The following XNDC1N variants were observed in gnomAD, a reference collection of about 807,000 sequenced individuals.
The protein encoded by XNDC1N is XRCC1 N-terminal domain containing 1, N-terminal like.
chr11:71,866,428 A>G, the XNDC1N span, among the ~76,000 whole-genome samples: 1 of 152,178 alleles, frequency 6.6e-6, no homozygotes, highest in Non-Finnish European at 1.5e-5. Context: ...TATTATATTG[A>G]TACTAATTTA....
At chr11:71,872,023 T>C in the XNDC1N span, among the ~76,000 whole-genome samples, 1 of 152,232 alleles carries the variant, frequency 6.6e-6, no homozygotes, top group Non-Finnish European at 1.5e-5. Context: ...TTCTATCCCA[T>C]ATATTAGTAT....
At chr11:71,910,937 G>C in the XNDC1N span, among the ~76,000 whole-genome samples, 1 of 152,196 alleles carries the variant, frequency 6.6e-6, no homozygotes, top group African/African-American at 2.4e-5. Context: ...AAAAACTTCT[G>C]GCATCCCCAG....
chr11:71,904,223 T>A, the XNDC1N span: 1 of 387,210 alleles, frequency 2.6e-6, no homozygotes, highest in East Asian at 7.2e-5. Context: ...ACCCATTGTG[T>A]CATTACGAGT....
chr11:71,919,929 CTTTTTTTTTTTTTTTTTTTTTTTTTTT>C, the XNDC1N span, among the ~76,000 whole-genome samples: 3 of 26,590 alleles, frequency 1.1e-4, no homozygotes, highest in Non-Finnish European at 1.7e-4. Context: ...AAGCAGGCCT[CTTTTTTTTTTTTTTTTTTTTTTTTTTT>C]TTTTTTTTTT....
chr11:71,923,140 A>G, the XNDC1N span, among the ~76,000 whole-genome samples: 1 of 152,184 alleles, frequency 6.6e-6, no homozygotes, highest in African/African-American at 2.4e-5. Flanking sequence ...CGCATCCTGC[A>G]CTTCTGTGGG....
At chr11:71,902,374 G>C in the XNDC1N span, among the ~76,000 whole-genome samples, 1 of 152,170 alleles carries the variant, frequency 6.6e-6, no homozygotes, top group South Asian at 2.1e-4. Flanking sequence ...TGTATTTTTA[G>C]TAGAGGTGGG....
chr11:71,909,550 G>A, the XNDC1N span, among the ~76,000 whole-genome samples: 12 of 152,194 alleles, frequency 7.9e-5, no homozygotes, highest in Non-Finnish European at 5.9e-5. Context: ...AGGGAGACCC[G>A]GCTCAAGCGT....
At chr11:71,916,700 A>C in the XNDC1N span, 1 of 170,594 alleles carries the variant, frequency 5.9e-6, no homozygotes, top group Non-Finnish European at 1.3e-5. Flanking sequence ...CCAACCCTCC[A>C]CATCTTTAGT....
At chr11:71,926,249 G>A in the XNDC1N span, 2 of 152,164 alleles carry the variant, frequency 1.3e-5, no homozygotes, top group African/African-American at 4.8e-5. Flanking sequence ...CAGCCTGGGA[G>A]ACAGTGAAAC....
chr11:71,886,788 C>G, the XNDC1N span, among the ~76,000 whole-genome samples: 19 of 152,028 alleles, frequency 1.2e-4, no homozygotes, highest in Non-Finnish European at 2.4e-4. Context: ...TGCAGTAAGC[C>G]GTAAGGAAAA....
chr11:71,913,930 C>T, the XNDC1N span, among the ~76,000 whole-genome samples: 4 of 152,306 alleles, frequency 2.6e-5, no homozygotes, highest in East Asian at 5.8e-4. Flanking sequence ...CAGTTTACAG[C>T]ATGGTTTCCT....
the XNDC1N span, among the ~76,000 whole-genome samples, chr11:71,918,669 G>A: frequency 5.1e-3 from 780 of 152,224 alleles, 5 homozygotes; most frequent in African/African-American, 0.017. Context: ...TTTGAGGAGC[G>A]CCATTCACAT....
the XNDC1N span, among the ~76,000 whole-genome samples, chr11:71,908,495 C>T: frequency 3.3e-5 from 5 of 152,032 alleles, no homozygotes; most frequent in African/African-American, 9.7e-5. Context: ...CATTCCACTC[C>T]TCCCTCAACA....
the XNDC1N span, among the ~76,000 whole-genome samples, chr11:71,896,466 GC>G: frequency 2.0e-5 from 3 of 152,164 alleles, no homozygotes; most frequent in Non-Finnish European, 2.9e-5. Flanking sequence ...CACAAGAATT[GC>G]TTGCATATTT....
chr11:71,908,583 C>T, the XNDC1N span, among the ~76,000 whole-genome samples: 4 of 152,094 alleles, frequency 2.6e-5, no homozygotes, highest in South Asian at 2.1e-4. Flanking sequence ...AGGATGGTCA[C>T]GTGCTGGAGA....
chr11:71,866,907 A>G, the XNDC1N span, among the ~76,000 whole-genome samples: 30,923 of 152,150 alleles, frequency 0.2, 5,897 homozygotes, highest in African/African-American at 0.5. Context: ...TAGAGTTTCC[A>G]AATAAATGGC....
chr11:71,916,915 A>G, the XNDC1N span: 1 of 157,232 alleles, frequency 6.4e-6, no homozygotes, highest in African/African-American at 2.4e-5. Flanking sequence ...AGTAAACATT[A>G]TATGCTACAC....
At chr11:71,878,545 A>C in the XNDC1N span, 1 of 1,594,798 alleles carries the variant, frequency 6.3e-7, no homozygotes, top group Non-Finnish European at 8.5e-7. Flanking sequence ...AAAGTTCTAA[A>C]AATATAAGTA....
chr11:71,889,218 G>C, the XNDC1N span, among the ~76,000 whole-genome samples: 1 of 152,208 alleles, frequency 6.6e-6, no homozygotes, highest in Admixed American at 6.5e-5. Context: ...GAGCGTGATA[G>C]AAAGAAAAGG....
Sources: allele counts gnomAD v4.1 joint callset (sites outside exome capture counted in the v4.1 genomes callset), GRCh38; gene constraint gnomAD v4.1.1; transcripts MANE v1.5; gene names NCBI Gene and HGNC (gene_info 2026-07-23, HGNC 2026-07-21).